Variants in KPNA7 observed in about 807,000 individuals in gnomAD.
KPNA7 encodes the protein importin subunit alpha-8.
In KPNA7, 54 loss-of-function variants were observed where a neutral mutation model predicts 53.7. The observed-to-expected ratio is 1.01, with a 90% CI of 0.81 to 1.26. The LOEUF (loss-of-function observed/expected upper bound fraction) is 1.26, where lower values mean the gene tolerates loss of function less well. Ranked by LOEUF, KPNA7 falls within the 50% of genes most tolerant of loss-of-function variation. The pLI is 0.00. For missense variants in KPNA7, 640 were observed against 644.5 expected (o/e 0.99, Z 0.07); for synonymous variants, 276 against 259.3 (o/e 1.06, Z -0.62).
At chr7:99,152,435 C>A in the KPNA7 span, among the ~76,000 whole-genome samples, 164 of 151,138 alleles carry the variant, frequency 1.1e-3, no homozygotes, top group African/African-American at 3.7e-3. Context: ...TCCAACTGAA[C>A]CATCCCTTTC....
chr7:99,150,250 C>G, the KPNA7 span, among the ~76,000 whole-genome samples: 20 of 151,778 alleles, frequency 1.3e-4, no homozygotes, highest in African/African-American at 4.8e-4. Flanking sequence ...CGCATGCCAC[C>G]AAACCTGGCT....
Position 99,177,005 on chromosome 7 carries a change from T to C in KPNA7, c.1464+915A>G, listed in dbSNP as rs188308680. ...ATGTCGATTGACAGGTAAATGAATA[T>C]ATATAATGCAGCATATACATTCAAT... On this transcript the variant is annotated intron_variant, in intron 10 of 10. Transcript: ENST00000327442. Among the ~76,000 whole-genome samples the C allele has an allele frequency of 1.7e-3, 252 of 152,308 alleles. 4 individuals carry two copies. The highest frequency in any genetic ancestry group is 3.4e-4 in the Non-Finnish European group (23 of 68,024).
chr7:99,160,572 G>A, the KPNA7 span, among the ~76,000 whole-genome samples: 4 of 152,184 alleles, frequency 2.6e-5, no homozygotes, highest in East Asian at 7.8e-4. Context: ...ATTCAGGTTT[G>A]AGTCACTGCA....
chr7:99,212,326 C>CCT (rs1448683011), upstream of KPNA7, among the ~76,000 whole-genome samples: 5 of 148,840 alleles, frequency 3.4e-5, no homozygotes, highest in African/African-American at 1.3e-4. Flanking sequence ...CTCACTGCAA[C>CCT]CTCCACCTCT....
At chr7:99,170,293 C>T (rs573138157), downstream of KPNA7, among the ~76,000 whole-genome samples, 3 of 152,098 alleles carry the variant, frequency 2.0e-5, no homozygotes, top group East Asian at 1.9e-4. Flanking sequence ...TAGGATCTTG[C>T]GCTAATGAAG....
the KPNA7 span, among the ~76,000 whole-genome samples, chr7:99,147,846 A>AT: frequency 1.3e-5 from 2 of 151,724 alleles, no homozygotes; most frequent in Non-Finnish European, 2.9e-5. Flanking sequence ...CGAGACCCCC[A>AT]TCTCTACAAA....
intron 1 of KPNA7, among the ~76,000 whole-genome samples, chr7:99,218,909 G>A (rs898973874): frequency 6.6e-6 from 1 of 152,256 alleles, no homozygotes; most frequent in Non-Finnish European, 1.5e-5. Flanking sequence ...CGGGGCTCGT[G>A]CACACATTCG....
chr7:99,172,676 G>A (rs1019361322), downstream of KPNA7, among the ~76,000 whole-genome samples: 3 of 152,126 alleles, frequency 2.0e-5, no homozygotes, highest in African/African-American at 7.2e-5. Context: ...CTTAGATCTT[G>A]TCAGTGTCAG....
chr7:99,183,015 G>A (rs1249827392), intron 8 of KPNA7, among the ~76,000 whole-genome samples: 1 of 152,088 alleles, frequency 6.6e-6, no homozygotes, highest in Non-Finnish European at 1.5e-5. Flanking sequence ...CAGCACTTTG[G>A]GAGGCTGAGG....
At chr7:99,180,172 A>G (rs1799104676) in intron 9 of KPNA7, among the ~76,000 whole-genome samples, 1 of 152,178 alleles carries the variant, frequency 6.6e-6, no homozygotes, top group Non-Finnish European at 1.5e-5. Context: ...CATGTGTCCA[A>G]GTGACTTCCC....
chr7:99,204,010 C>T (rs776510314), intron 2 of KPNA7, among the ~76,000 whole-genome samples: 1 of 152,040 alleles, frequency 6.6e-6, no homozygotes, highest in Admixed American at 6.6e-5. Flanking sequence ...GTGCATGGCC[C>T]ATTTCCACTA....
chr7:99,205,229 C>G (rs559040732), intron 2 of KPNA7, among the ~76,000 whole-genome samples: 1 of 150,632 alleles, frequency 6.6e-6, no homozygotes, highest in East Asian at 2.0e-4. Flanking sequence ...CGAGACCATC[C>G]TGGCCAACAT....
rs536548410 is a variant in KPNA7, at chr7:99,183,663, G to A, written c.1134+1266C>T. On this transcript the variant is annotated intron_variant, in intron 8 of 10. Coordinates refer to ENST00000327442, the MANE Select transcript of KPNA7 (RefSeq NM_001145715.3). ...TACCCAGCCTGAGAACAGGAACACC[G>A]CCAGTAGCTTCTCCTCAACCCCATG... is the stretch of plus-strand genomic sequence containing the variant. Among the ~76,000 whole-genome samples the A allele has an allele frequency of 3.9e-5, 6 of 152,060 alleles. No individual in the cohort carries two copies. In the East Asian group the frequency reaches 7.7e-4, roughly 20 times the overall value.
chr7:99,212,932 A>G (rs1791114402), upstream of KPNA7, among the ~76,000 whole-genome samples: 1 of 152,050 alleles, frequency 6.6e-6, no homozygotes, highest in Admixed American at 6.6e-5. Context: ...GCTATTGATC[A>G]CAGTATCCTT....
At chr7:99,179,168 G>A (rs1799050030) in intron 9 of KPNA7, among the ~76,000 whole-genome samples, 1 of 152,136 alleles carries the variant, frequency 6.6e-6, no homozygotes, top group South Asian at 2.1e-4. Context: ...GATCATTCAA[G>A]AAAATTACAT....
At chr7:99,156,760 A>G in the KPNA7 span, among the ~76,000 whole-genome samples, 1,782 of 152,138 alleles carry the variant, frequency 0.012, 34 homozygotes, top group African/African-American at 0.041. Context: ...CCTGACTTCA[A>G]ATGATCCACC....
At chr7:99,177,078 G>A (rs1322354458) in intron 10 of KPNA7, among the ~76,000 whole-genome samples, 1 of 152,236 alleles carries the variant, frequency 6.6e-6, no homozygotes, top group South Asian at 2.1e-4. Flanking sequence ...GCTACAACAC[G>A]GATGAATCTT....
rs776567446 is a variant in KPNA7 at position 99,195,139 on chromosome 7, T to C, written c.484A>G (p.Ile162Val). ...ACGTTGGAGGAAGACAGGAGCTCAA[T>C]CAAGGGCTGGATGGCTCCCCCTTCT... Reference protein sequence around the residue: ...VVEGGAIQPLIELLSSSNVAV... With the variant: ...VVEGGAIQPLVELLSSSNVAV... The change falls in exon 5 of 11, where the codon ATT (isoleucine) becomes GTT (valine). Residue 162 changes from isoleucine to valine, a missense_variant. Physicochemically the swap from Ile to Val is conservative, Grantham distance 29. Coordinates refer to ENST00000327442, the MANE Select transcript of KPNA7 (RefSeq NM_001145715.3). 14 of 1,551,544 alleles carry C rather than the reference T, an allele frequency of 9.0e-6. No homozygotes were observed. Among genetic ancestry groups the C allele is most frequent in the Non-Finnish European group, 1.2e-5 (14 of 1,146,976 alleles).
At chr7:99,151,556 T>A in the KPNA7 span, among the ~76,000 whole-genome samples, 1 of 151,346 alleles carries the variant, frequency 6.6e-6, no homozygotes, top group Non-Finnish European at 1.5e-5. Flanking sequence ...GCTTGACTGA[T>A]CCTCCAGCCT....
Sources: gnomAD v4.1 joint callset for allele counts (sites outside exome capture counted in the v4.1 genomes callset) on GRCh38, gnomAD v4.1.1 for gene constraint, MANE v1.5 for transcripts, NCBI Gene and HGNC (gene_info 2026-07-23, HGNC 2026-07-21) for gene names.